The following COL4A4 variants were observed in gnomAD, a reference collection of about 807,000 sequenced individuals.
COL4A4 encodes collagen alpha-4(IV) chain.
COL4A4 carries 105 observed loss-of-function variants against 192.9 expected under a neutral mutation model. The ratio of observed to expected loss-of-function variants is 0.54; its 90% confidence interval spans 0.46 to 0.64. The LOEUF (loss-of-function observed/expected upper bound fraction) is 0.64. COL4A4 is among the 30% of genes least tolerant of loss of function. The pLI is 0.00. For synonymous variants in COL4A4, 762 were observed against 769.9 expected (o/e 0.99, Z 0.17); for missense variants, 1,967 against 2,169.3 (o/e 0.91, Z 1.85).
At chr2:227,077,576 T>C (rs146563587) in intron 25 of COL4A4, among the ~76,000 whole-genome samples, 4 of 152,096 alleles carry the variant, frequency 2.6e-5, no homozygotes, top group African/African-American at 9.7e-5. Flanking sequence ...GATGGGTTGA[T>C]AGATGCAGCA....
At chr2:227,064,946 G>A (rs1248885904) in intron 25 of COL4A4, among the ~76,000 whole-genome samples, 2 of 148,700 alleles carry the variant, frequency 1.3e-5, no homozygotes, top group East Asian at 2.0e-4. Context: ...CGCAGAAGAC[G>A]GGTGATTTCT....
intron 25 of COL4A4, among the ~76,000 whole-genome samples, chr2:227,070,311 C>A (rs969889986): frequency 6.6e-6 from 1 of 151,954 alleles, no homozygotes; most frequent in Non-Finnish European, 1.5e-5. Context: ...GTCAGTGTGG[C>A]GATTCCTCAG....
chr2:227,010,834 G>A (rs530984030), intron 45 of COL4A4, among the ~76,000 whole-genome samples: 1 of 152,298 alleles, frequency 6.6e-6, no homozygotes, highest in Non-Finnish European at 1.5e-5. Flanking sequence ...AAAAAGTTAA[G>A]TTATGAAATA....
intron 37 of COL4A4, among the ~76,000 whole-genome samples, chr2:227,041,836 GAAAGAAAGAAAGAGAAAGAA>G (rs1437658471): frequency 2.4e-3 from 122 of 50,126 alleles, no homozygotes; most frequent in South Asian, 4.5e-3. Context: ...AAGAAAGAAA[GAAAGAAAGAAAGAGAAAGAA>G]AGAAAGAAAG....
In COL4A4 at chr2:227,020,562, C is replaced by T. The variant is rs116352134; in HGVS notation, c.4216+1486G>A. Among the ~76,000 whole-genome samples the T allele has an allele frequency of 3.3e-3, 508 of 152,314 alleles. 6 individuals carry two copies. Among genetic ancestry groups the T allele is most frequent in the African/African-American group, 0.012 (490 of 41,564 alleles). On this transcript the variant is annotated intron_variant, in intron 44 of 47. Coordinates refer to ENST00000396625, the MANE Select transcript of COL4A4 (RefSeq NM_000092.5). Reference sequence around the variant, plus strand: ...AGAGGAACATCTCTTGGGCACTTAACTTCTTGGTTTTGGGGAACCACAAGA... The same window carrying T: ...AGAGGAACATCTCTTGGGCACTTAATTTCTTGGTTTTGGGGAACCACAAGA...
At chr2:227,137,761 TC>T (rs2062914935) in intron 4 of COL4A4, among the ~76,000 whole-genome samples, 1 of 152,210 alleles carries the variant, frequency 6.6e-6, no homozygotes, top group African/African-American at 2.4e-5. Context: ...TGGGGTCGGC[TC>T]ATCTCTTTCT....
At chr2:227,135,056 G>A (rs1237888190) in intron 4 of COL4A4, among the ~76,000 whole-genome samples, 1 of 151,302 alleles carries the variant, frequency 6.6e-6, no homozygotes, top group Non-Finnish European at 1.5e-5. Flanking sequence ...AAACTGATAA[G>A]GAATAATAGA....
At chr2:227,020,188 C>T (rs1457625957) in intron 44 of COL4A4, among the ~76,000 whole-genome samples, 8 of 152,134 alleles carry the variant, frequency 5.3e-5, no homozygotes, top group African/African-American at 1.7e-4. Flanking sequence ...TTATAGGTCA[C>T]GTCTTCAAGT....
At chr2:227,130,035 G>A (rs538487740) in intron 4 of COL4A4, among the ~76,000 whole-genome samples, 1 of 152,206 alleles carries the variant, frequency 6.6e-6, no homozygotes, top group East Asian at 1.9e-4. Context: ...GTGCCTCCAG[G>A]AGCCTCCCCT....
intron 10 of COL4A4, 117 bp downstream of exon 10, chr2:227,109,106 AT>A: frequency 9.8e-7 from 1 of 1,016,766 alleles, no homozygotes; most frequent in Non-Finnish European, 1.6e-6. Flanking sequence ...TCACTGATTC[AT>A]CGATTATAAT....
chr2:227,133,180 A>G (rs572391318), intron 4 of COL4A4, among the ~76,000 whole-genome samples: 1 of 152,312 alleles, frequency 6.6e-6, no homozygotes, highest in South Asian at 2.1e-4. Context: ...TGAACTCCAC[A>G]TGAGGAGACC....
chr2:227,112,871 T>C (rs888425713), intron 8 of COL4A4, among the ~76,000 whole-genome samples: 5 of 152,256 alleles, frequency 3.3e-5, no homozygotes, highest in Non-Finnish European at 7.3e-5. Flanking sequence ...GGTTCATCCA[T>C]GTTGTTGTAT....
chr2:227,032,571 T>A lies in COL4A4; in HGVS notation c.3578-295A>T, dbSNP rs75742442. Among the ~76,000 whole-genome samples the A allele has an allele frequency of 8.7e-4, 133 of 152,334 alleles. No homozygotes were observed. The East Asian group carries it at 0.018, about 21-fold the overall frequency. ...ATGGAGAGAGTAAAAACAAATGAGATACAATAAGTAATTATGCATAAGTTG... is the reference window on the plus strand; with the variant it reads ...ATGGAGAGAGTAAAAACAAATGAGAAACAATAAGTAATTATGCATAAGTTG... On this transcript the variant is annotated intron_variant, in intron 38 of 47. Transcript: ENST00000396625.
At chr2:227,015,926 CCTTT>C (rs1468100608) in intron 44 of COL4A4, among the ~76,000 whole-genome samples, 1 of 152,002 alleles carries the variant, frequency 6.6e-6, no homozygotes, top group African/African-American at 2.4e-5. Flanking sequence ...TTTTAAGTTA[CCTTT>C]TTTTTTCTTT....
At chr2:227,122,745 C>T (rs1011057839) in intron 4 of COL4A4, among the ~76,000 whole-genome samples, 3 of 152,254 alleles carry the variant, frequency 2.0e-5, no homozygotes, top group Non-Finnish European at 4.4e-5. Context: ...CAGAGCTCCT[C>T]ATGTGGTCAA....
chr2:227,120,887 T>G, intron 5 of COL4A4, 127 bp downstream of exon 5: 54 of 1,247,788 alleles, frequency 4.3e-5, no homozygotes, highest in Non-Finnish European at 5.0e-5. Context: ...TGCAGTGAGC[T>G]GAGATCCCAC....
chr2:227,061,132 T>C (rs1976905356), intron 26 of COL4A4, among the ~76,000 whole-genome samples: 1 of 152,208 alleles, frequency 6.6e-6, no homozygotes, highest in Admixed American at 6.5e-5. Flanking sequence ...CAAATTAAAA[T>C]GTGAGTATTC....
intron 9 of COL4A4, among the ~76,000 whole-genome samples, chr2:227,111,260 A>G (rs929125029): frequency 5.3e-5 from 8 of 152,204 alleles, no homozygotes; most frequent in African/African-American, 1.9e-4. Context: ...TATAATATAC[A>G]AATACTGATT....
chr2:227,086,920 C>T (rs915903746), intron 22 of COL4A4, among the ~76,000 whole-genome samples: 2 of 152,212 alleles, frequency 1.3e-5, no homozygotes. Flanking sequence ...GGGCTTTGTA[C>T]ATGTGACAAG....
Sources: gnomAD v4.1 joint callset for allele counts (sites outside exome capture counted in the v4.1 genomes callset) on GRCh38, gnomAD v4.1.1 for gene constraint, MANE v1.5 for transcripts, NCBI Gene and HGNC (gene_info 2026-07-23, HGNC 2026-07-21) for gene names.